PDE4D: variants seen among roughly 807,000 people sequenced by gnomAD.
The protein encoded by PDE4D is phosphodiesterase 4D, also known as 3',5'-cyclic-AMP phosphodiesterase 4D.
PDE4D carries 24 observed loss-of-function variants against 87.4 expected under a neutral mutation model. The observed-to-expected ratio is 0.27, with a 90% CI of 0.20 to 0.39. The LOEUF (loss-of-function observed/expected upper bound fraction) is 0.39. Among genes scored for constraint, PDE4D ranks in the 10% least tolerant of loss-of-function variants. The pLI, the probability that PDE4D is intolerant of heterozygous loss-of-function variation, is 1.00. For synonymous variants in PDE4D, 384 were observed against 383.2 expected, an observed-to-expected ratio of 1.00 and a Z score of -0.02; for missense variants, 714 against 1,041.0, an observed-to-expected ratio of 0.69 and a Z score of 4.32.
intron 3 of PDE4D, among the ~76,000 whole-genome samples, chr5:59,932,521 C>A (rs1756082314): frequency 6.6e-6 from 1 of 152,220 alleles, no homozygotes; most frequent in Non-Finnish European, 1.5e-5. Context: ...GAAACTGAGG[C>A]AGAGTGGGGT....
intron 1 of PDE4D, among the ~76,000 whole-genome samples, chr5:60,211,266 GT>G (rs1743182793): frequency 2.6e-5 from 4 of 152,146 alleles, no homozygotes; most frequent in Non-Finnish European, 5.9e-5. Flanking sequence ...GAAGGAGTTT[GT>G]GTGGACTTTA....
intron 1 of PDE4D, among the ~76,000 whole-genome samples, chr5:59,333,402 G>A (rs532534620): frequency 6.6e-6 from 1 of 152,242 alleles, no homozygotes; most frequent in African/African-American, 2.4e-5. Context: ...TTAAAGTTGT[G>A]ACAACCTTCA....
At chr5:59,252,647 G>A (rs1473116548) in intron 1 of PDE4D, among the ~76,000 whole-genome samples, 4 of 151,930 alleles carry the variant, frequency 2.6e-5, no homozygotes, top group South Asian at 4.2e-4. Context: ...TCAGCCTCTC[G>A]AGTAGGTGGG....
chr5:59,915,249 T>C (rs1753913095), intron 3 of PDE4D, among the ~76,000 whole-genome samples: 1 of 152,114 alleles, frequency 6.6e-6, no homozygotes, highest in East Asian at 1.9e-4. Flanking sequence ...GATGACCAGC[T>C]AGGGCAGAAT....
chr5:59,200,109 A>G (rs1215203159), intron 2 of PDE4D, among the ~76,000 whole-genome samples: 2 of 141,276 alleles, frequency 1.4e-5, no homozygotes, highest in East Asian at 2.2e-4. Flanking sequence ...ACATGTATGC[A>G]CACACATACA....
chr5:59,936,739 C>A (rs903538019), intron 3 of PDE4D, among the ~76,000 whole-genome samples: 2 of 152,188 alleles, frequency 1.3e-5, no homozygotes, highest in Non-Finnish European at 2.9e-5. Context: ...AGGGATATGG[C>A]CCCTGCTCCT....
chr5:59,904,821 A>AT (rs1327276006), intron 3 of PDE4D, among the ~76,000 whole-genome samples: 1 of 152,250 alleles, frequency 6.6e-6, no homozygotes, highest in East Asian at 1.9e-4. Flanking sequence ...TGAATAATAC[A>AT]TTTTTTTAAA....
chr5:60,153,913 C>T (rs913638867), intron 2 of PDE4D, among the ~76,000 whole-genome samples: 24 of 152,142 alleles, frequency 1.6e-4, no homozygotes, highest in African/African-American at 5.1e-4. Context: ...TTATGTAAGA[C>T]GAATAAGTCC....
chr5:59,054,547 A>G (rs955623549), intron 5 of PDE4D, among the ~76,000 whole-genome samples: 30 of 152,054 alleles, frequency 2.0e-4, no homozygotes, highest in African/African-American at 7.0e-4. Context: ...AAATTTGTTT[A>G]CAGTCTTTAA....
At chr5:59,689,448 A>C (rs563075214) in intron 1 of PDE4D, among the ~76,000 whole-genome samples, 2 of 152,236 alleles carry the variant, frequency 1.3e-5, no homozygotes, top group South Asian at 4.1e-4. Context: ...TCCAGCATAT[A>C]AACAGAACCA....
intron 1 of PDE4D, among the ~76,000 whole-genome samples, chr5:59,706,121 C>T (rs1355676639): frequency 6.6e-6 from 1 of 152,150 alleles, no homozygotes; most frequent in African/African-American, 2.4e-5. Context: ...TATACACACC[C>T]TGATATCCCC....
At chr5:60,244,838 C>T (rs1007090218) in intron 1 of PDE4D, among the ~76,000 whole-genome samples, 6 of 151,948 alleles carry the variant, frequency 3.9e-5, no homozygotes, top group African/African-American at 1.4e-4. Flanking sequence ...AACTATGAAA[C>T]TACTGAAAGA....
intron 1 of PDE4D, among the ~76,000 whole-genome samples, chr5:59,747,399 C>G (rs567139733): frequency 6.6e-6 from 1 of 152,154 alleles, no homozygotes; most frequent in Non-Finnish European, 1.5e-5. Flanking sequence ...CTCTGTTAAA[C>G]CAACCTTTTT....
At chr5:59,942,410 C>A (rs939504520) in intron 3 of PDE4D, among the ~76,000 whole-genome samples, 2 of 152,144 alleles carry the variant, frequency 1.3e-5, no homozygotes, top group African/African-American at 2.4e-5. Context: ...GAAAAGCTTG[C>A]TCTGTGAGGT....
chr5:59,908,998 C>T (rs1179607295), intron 3 of PDE4D, among the ~76,000 whole-genome samples: 1 of 152,096 alleles, frequency 6.6e-6, no homozygotes, highest in South Asian at 2.1e-4. Context: ...TTTGCACTGG[C>T]TTTTTAAAGT....
intron 1 of PDE4D, among the ~76,000 whole-genome samples, chr5:59,748,221 G>A (rs371587388): frequency 6.6e-5 from 10 of 152,290 alleles, no homozygotes; most frequent in African/African-American, 1.2e-4. Flanking sequence ...CATAAAAGTC[G>A]TTGTGGCTTC....
chr5:58,971,228 A>G lies in PDE4D; in HGVS notation c.*3436T>C, dbSNP rs1742545528. 6.6e-6 allele frequency: 1 copy of G among 152,340 alleles called. No individual in the cohort carries two copies. Among genetic ancestry groups the G allele is most frequent in the Non-Finnish European group, 1.5e-5 (1 of 68,024 alleles). 9.4% of individuals were successfully genotyped at this position (152,340 alleles called of 1,614,324 possible). A position where few individuals can be genotyped will look rare whatever the true frequency, so the allele number is the denominator to read the frequency against. ...GCCCTGGGACCAAAGACCTGCAGCTATGTTTTTTTAAATTTATATATCTTT... is the reference window on the plus strand; with the variant it reads ...GCCCTGGGACCAAAGACCTGCAGCTGTGTTTTTTTAAATTTATATATCTTT... On this transcript the variant is annotated 3_prime_UTR_variant, in exon 15 of 15. Transcript: ENST00000340635.
rs369576519 is a variant in PDE4D at position 59,771,339 on chromosome 5, T to C, written c.455+121829A>G. ...CTGGCTCTAAGTAGAGAAAAGTGAT[T>C]CTTAGTGACCAAGTAAAGGAAGAGA... On this transcript the variant is annotated intron_variant, in intron 1 of 14. Transcript: ENST00000340635. 2.7e-5 allele frequency among the ~76,000 whole-genome samples: 4 copies of C among 150,094 alleles called. No individual in the cohort carries two copies. In the East Asian group the frequency reaches 5.9e-4, roughly 22 times the overall value.
At chr5:59,798,573 G>A (rs1766773486) in intron 1 of PDE4D, among the ~76,000 whole-genome samples, 1 of 152,092 alleles carries the variant, frequency 6.6e-6, no homozygotes, top group Non-Finnish European at 1.5e-5. Context: ...AGGTACGGAA[G>A]GGTAGGAATG....
Sources: gnomAD v4.1 joint callset for allele counts (sites outside exome capture counted in the v4.1 genomes callset) on GRCh38, gnomAD v4.1.1 for gene constraint, MANE v1.5 for transcripts, NCBI Gene and HGNC (gene_info 2026-07-23, HGNC 2026-07-21) for gene names.